The following LTBR variants were observed in gnomAD, a reference collection of about 807,000 sequenced individuals.
The protein encoded by LTBR is lymphotoxin beta receptor.
LTBR carries 15 observed loss-of-function variants against 45.4 expected under a neutral mutation model. The ratio of observed to expected loss-of-function variants is 0.33; its 90% CI spans 0.22 to 0.51. LTBR has a LOEUF of 0.51. LTBR is among the 20% of genes least tolerant of loss of function. The pLI is 0.97. For missense variants in LTBR, 450 were observed against 565.5 expected (o/e 0.80, Z 2.07); for synonymous variants, 228 against 231.0 (o/e 0.99, Z 0.12).
chr12:6,375,495 T>TC, exon 1 of LTBR: 2 of 1,534,744 alleles, frequency 1.3e-6, no homozygotes, highest in Non-Finnish European at 1.7e-6. Flanking sequence ...AAACCTCTCC[T>TC]CCCCCTCACC....
upstream of LTBR, among the ~76,000 whole-genome samples, chr12:6,383,715 G>A (rs555621915): frequency 1.4e-4 from 22 of 152,258 alleles, no homozygotes; most frequent in African/African-American, 5.1e-4. Context: ...CCACAGTAGG[G>A]CAGGACAACG....
chr12:6,385,980 C>A, intron 4 of LTBR, 86 bp from the exon 5 acceptor site: 1 of 885,044 alleles, frequency 1.1e-6, no homozygotes, highest in Non-Finnish European at 1.9e-6. Context: ...GATGGGCATC[C>A]TGAGGCTTAA....
intron 1 of LTBR, chr12:6,375,831 A>AGGGGCCAGCCAGGCTGAG (rs1948897275): frequency 1.5e-6 from 2 of 1,351,248 alleles, no homozygotes; most frequent in Non-Finnish European, 1.9e-6. Context: ...CACAAGGAGA[A>AGGGGCCAGCCAGGCTGAG]GGGGCCAGCC....
chr12:6,390,762 T>C lies in LTBR; in HGVS notation c.1133T>C (p.Leu378Pro). The C allele has an allele frequency of 6.3e-7, 1 of 1,580,206 alleles. No homozygotes were observed. Among genetic ancestry groups the C allele is most frequent in the African/African-American group, 1.4e-5 (1 of 73,982 alleles). The change falls in exon 10 of 10, where the codon CTC (leucine) becomes CCC (proline). Residue 378 changes from leucine (L) to proline (P), a missense_variant. By Grantham distance (98) the Leu-to-Pro change is moderately conservative (BLOSUM62 -3). Around this residue, in one of 3 missense-constraint regions of LTBR, gnomAD observed 71 missense variants for 90.4 expected, o/e 0.79. Transcript: ENST00000228918. Reference sequence around the variant, plus strand: ...GGGGGACCACCGGGTCCTGGAGACCTCCCAGCTACCCCCGAACCTCCATAC... The same window carrying C: ...GGGGGACCACCGGGTCCTGGAGACCCCCCAGCTACCCCCGAACCTCCATAC... Reference protein sequence around the residue: ...VLGGPPGPGDLPATPEPPYPI... With the variant: ...VLGGPPGPGDPPATPEPPYPI...
upstream of LTBR, chr12:6,375,247 C>T (rs1170103005): frequency 2.1e-6 from 3 of 1,438,392 alleles, no homozygotes; most frequent in Non-Finnish European, 2.7e-6. Context: ...CTCCTGCTCT[C>T]CTCTTTCTGG....
rs1565494189 is a variant in LTBR at position 6,386,088 on chromosome 12, C to T, written c.495C>T (p.Asn165=). 1.2e-6 allele frequency: 2 copies of T among 1,613,858 alleles called. No individual in the cohort carries two copies. The highest frequency in any genetic ancestry group is 1.7e-6 in the Non-Finnish European group (2 of 1,179,846). Residue 165 remains asparagine, a synonymous_variant, in exon 5 of 10, where the codon AAC becomes AAT. Coordinates refer to ENST00000228918, the MANE Select transcript of LTBR (RefSeq NM_002342.3). The surrounding 1 kb of genome is among the most constrained non-coding windows in gnomAD (Gnocchi z 4.1). ...ELKDEVGKGN[N]HCVPCKAGHF... ...CAGATGAAGTTGGGAAGGGTAACAA[C>T]CACTGCGTCCCCTGCAAGGCCGGGC...
chr12:6,377,548 G>T, intron 1 of LTBR: 1 of 836,418 alleles, frequency 1.2e-6, no homozygotes, highest in Non-Finnish European at 1.8e-6. Flanking sequence ...GGATTCGTCT[G>T]CTCTCTGGGT....
At position 6,385,171 on chromosome 12, in the gene LTBR, G is replaced by A. The variant is rs772193680; in HGVS notation, c.319+24G>A. On this transcript the variant is annotated intron_variant, in intron 3 of 9. Transcript: ENST00000228918. ...AGGTGAGTGGGGATGTGCCTGCGGG[G>A]GGGCTGGATCCCCTGGAGCTTGGCC... is the stretch of plus-strand genomic sequence containing the variant. 7 of 1,614,218 alleles carry A rather than the reference G, an allele frequency of 4.3e-6. No individual in the cohort carries two copies. The South Asian group carries it at 6.6e-5, about 15-fold the overall frequency.
chr12:6,384,068 C>G (rs949178746), upstream of LTBR: 23 of 1,221,146 alleles, frequency 1.9e-5, no homozygotes, highest in African/African-American at 3.4e-4. Context: ...CGCATCGAGG[C>G]AGACAAGCCT....
At position 6,388,803 on chromosome 12, in the gene LTBR, C is replaced by T. The variant is rs150503607; in HGVS notation, c.779C>T (p.Ser260Leu). The T allele has an allele frequency of 4.1e-5, 66 of 1,613,972 alleles. No individual in the cohort carries two copies. The highest frequency in any genetic ancestry group is 5.3e-5 in the Non-Finnish European group (63 of 1,180,012). The change falls in exon 8 of 10, where the codon TCG becomes TTG. Residue 260 changes from serine to leucine, a missense_variant. Ser to Leu is a moderately radical substitution (Grantham distance 145, BLOSUM62 -2). Transcript: ENST00000228918. This position sits in a 1 kb window ranked among gnomAD's most constrained non-coding sequence, Gnocchi z 4.3. The part of the protein sequence containing the change: ...SHPSLCRKLG[S>L]LLKRRPQGEG... ...CCCATTTCATTCTCCATTGCAGGATCGCTGCTCAAGAGGCGTCCGCAGGTA... is the reference window on the plus strand; with the variant it reads ...CCCATTTCATTCTCCATTGCAGGATTGCTGCTCAAGAGGCGTCCGCAGGTA...
At chr12:6,375,753 A>G in intron 1 of LTBR, 1 of 1,410,104 alleles carries the variant, frequency 7.1e-7, no homozygotes, top group Non-Finnish European at 9.2e-7. Flanking sequence ...GCTGGGGGAC[A>G]GGATGGCAGG....
chr12:6,385,370 G>A lies in LTBR; in HGVS notation c.463G>A (p.Glu155Lys), dbSNP rs758460306. ...TGACTGCCCGCCTGGCACTGAAGCC[G>A]AGCTCAAAGGTCAGAGGTCCCTGAG... is the stretch of plus-strand genomic sequence containing the variant. ...LSDCPPGTEA[E>K]LKDEVGKGNN... is the part of the protein sequence containing the mutation. Residue 155 changes from glutamate to lysine, a missense_variant, in exon 4 of 10, where the codon GAG (glutamate) becomes AAG (lysine). Physicochemically the swap from Glu to Lys is moderately conservative, Grantham distance 56. Around this residue, in one of 3 missense-constraint regions of LTBR, gnomAD observed 367 missense variants for 435.4 expected, o/e 0.84. Transcript: ENST00000228918. 3.7e-6 allele frequency: 6 copies of A among 1,614,074 alleles called. No homozygotes were observed. The highest frequency in any genetic ancestry group is 2.2e-5 in the South Asian group (2 of 91,086).
intron 3 of LTBR, 21 bp downstream of exon 3, chr12:6,385,168 G>C (rs770188834): frequency 7.4e-6 from 12 of 1,613,548 alleles, no homozygotes; most frequent in East Asian, 2.2e-5. Flanking sequence ...ATGTGCCTGC[G>C]GGGGGGCTGG....
upstream of LTBR, among the ~76,000 whole-genome samples, chr12:6,383,702 C>T (rs1427994468): frequency 1.3e-5 from 2 of 152,202 alleles, no homozygotes; most frequent in African/African-American, 4.8e-5. Context: ...GTCTGAAAAA[C>T]TCCCACAGTA....
chr12:6,388,098 G>A lies in LTBR; in HGVS notation c.668-300G>A, dbSNP rs1467996407. ...CTAAGCTCCCATCCTGCACACACAA[G>A]CCTGCCCAATCCTGGTCTCTGAGCA... is the stretch of plus-strand genomic sequence containing the variant. On this transcript the variant is annotated intron_variant, in intron 6 of 9. Transcript: ENST00000228918. This position sits in a 1 kb window ranked among gnomAD's most constrained non-coding sequence, Gnocchi z 4.3. 6.6e-6 allele frequency among the ~76,000 whole-genome samples: 1 copy of A among 152,100 alleles called. No individual in the cohort carries two copies. The highest frequency in any genetic ancestry group is 1.9e-4 in the East Asian group (1 of 5,188).
At chr12:6,380,689 C>CAA (rs768898177), upstream of LTBR, among the ~76,000 whole-genome samples, 9 of 84,350 alleles carry the variant, frequency 1.1e-4, no homozygotes, top group Admixed American at 1.3e-4. Flanking sequence ...GACTCTGTCT[C>CAA]AAAAAAAAAA....
At chr12:6,377,851 G>C (rs373947752) in intron 1 of LTBR, 2 of 408,208 alleles carry the variant, frequency 4.9e-6, no homozygotes, top group Admixed American at 2.7e-5. Flanking sequence ...TGCAATGCCT[G>C]GTCTGGGCTG....
At chr12:6,375,600 C>T in intron 1 of LTBR, 1 of 1,512,222 alleles carries the variant, frequency 6.6e-7, no homozygotes, top group Non-Finnish European at 8.8e-7. Flanking sequence ...TAAAGGTGAG[C>T]AGGGCGGGGG....
chr12:6,384,600 G>C lies in LTBR; in HGVS notation c.109G>C (p.Ala37Pro), dbSNP rs1449422482. Reference sequence around the variant, plus strand: ...TCTCCCTTTGAAGGTGCCTCCATATGCGTCGGAGAACCAGACCTGCAGGGA... The same window carrying C: ...TCTCCCTTTGAAGGTGCCTCCATATCCGTCGGAGAACCAGACCTGCAGGGA... ...ASQPQAVPPYASENQTCRDQE... is the reference protein window; with the variant it reads ...ASQPQAVPPYPSENQTCRDQE... The change falls in exon 2 of 10, where the codon GCG becomes CCG. Residue 37 changes from alanine to proline, a missense_variant. This residue lies in a region of LTBR where 367 missense variants were observed against 435.4 expected (regional missense o/e 0.84). Transcript: ENST00000228918. 1 of 1,614,136 alleles carries C rather than the reference G, an allele frequency of 6.2e-7. No homozygotes were observed. Among genetic ancestry groups the C allele is most frequent in the African/African-American group, 1.3e-5 (1 of 75,044 alleles).
Sources: allele counts gnomAD v4.1 joint callset (sites outside exome capture counted in the v4.1 genomes callset), GRCh38; gene constraint gnomAD v4.1.1; regional missense constraint gnomAD v4.1.1; non-coding constraint Gnocchi (gnomAD v3.1); transcripts MANE v1.5; gene names NCBI Gene and HGNC (gene_info 2026-07-23, HGNC 2026-07-21).